The following ZNF385D variants were observed in gnomAD, a reference collection of about 807,000 sequenced individuals.
ZNF385D encodes zinc finger protein 385D.
ZNF385D carries 15 observed loss-of-function variants against 35.8 expected under a neutral mutation model. The observed-to-expected ratio is 0.42, with a 90% CI of 0.28 to 0.64. The LOEUF is 0.64. Among genes scored for constraint, ZNF385D ranks in the 30% least tolerant of loss-of-function variants. ZNF385D has a pLI of 0.23. For synonymous variants in ZNF385D, 212 were observed against 186.8 expected (o/e 1.13, Z -1.10); for missense variants, 474 against 494.6 (o/e 0.96, Z 0.39).
At chr3:22,062,170 T>TGGGACTACCC (rs1330630941) in intron 3 of ZNF385D, among the ~76,000 whole-genome samples, 2 of 152,174 alleles carry the variant, frequency 1.3e-5, no homozygotes, top group Non-Finnish European at 2.9e-5. Flanking sequence ...CCCAAATAGC[T>TGGGACTACCC]GGGACTACCC....
chr3:21,911,257 A>G (rs1023854266), intron 3 of ZNF385D, among the ~76,000 whole-genome samples: 2 of 151,996 alleles, frequency 1.3e-5, no homozygotes, highest in East Asian at 3.8e-4. Context: ...ATGAGAGTCC[A>G]TTAGTTCTCA....
chr3:22,138,982 ACAAC>A (rs2125699833), intron 3 of ZNF385D, among the ~76,000 whole-genome samples: 2 of 152,314 alleles, frequency 1.3e-5, no homozygotes, highest in African/African-American at 4.8e-5. Context: ...AAAAAAACAA[ACAAC>A]CCCATCAAAA....
At chr3:22,023,654 G>A (rs566695570) in intron 3 of ZNF385D, among the ~76,000 whole-genome samples, 13 of 149,838 alleles carry the variant, frequency 8.7e-5, no homozygotes, top group Non-Finnish European at 1.9e-4. Flanking sequence ...TAGCAGCAAA[G>A]CAATGCTTTT....
chr3:22,171,086 A>G (rs530697950), intron 2 of ZNF385D, among the ~76,000 whole-genome samples: 1 of 151,464 alleles, frequency 6.6e-6, no homozygotes, highest in Admixed American at 6.6e-5. Context: ...CTGTATTTAA[A>G]AAATTGCACA....
intron 3 of ZNF385D, among the ~76,000 whole-genome samples, chr3:22,119,975 C>G (rs572361158): frequency 6.8e-6 from 1 of 146,150 alleles, no homozygotes; most frequent in African/African-American, 2.6e-5. Context: ...CTCCAACATA[C>G]TCAATTTTTT....
chr3:22,146,962 A>C (rs1201323831), intron 3 of ZNF385D, among the ~76,000 whole-genome samples: 3 of 152,184 alleles, frequency 2.0e-5, no homozygotes, highest in African/African-American at 4.8e-5. Context: ...ATAAAACAGA[A>C]AATAACAGTA....
Position 21,437,201 on chromosome 3 carries a change from C to A in ZNF385D, c.442G>T (p.Gly148Cys), listed in dbSNP as rs760894765. The change falls in exon 5 of 8, where the codon GGT becomes TGT. Residue 148 changes from glycine to cysteine, a missense_variant and splice_region_variant. Gly to Cys is a radical substitution (Grantham distance 159). Coordinates refer to ENST00000281523, the MANE Select transcript of ZNF385D (RefSeq NM_024697.3). The stretch of plus-strand genomic sequence containing the variant: ...GATATTGCTGGTGTCCCTGCAGTAC[C>A]GTCTGTATTCAAAATAACACAGAAA... ...TINTSSDKTD[G>C]TAGTPAISTT... 6.2e-7 allele frequency: 1 copy of A among 1,609,670 alleles called. No individual in the cohort carries two copies. The highest frequency in any genetic ancestry group is 1.7e-5 in the Admixed American group (1 of 59,142).
At chr3:21,473,239 G>T (rs1343015780) in intron 4 of ZNF385D, among the ~76,000 whole-genome samples, 1 of 151,938 alleles carries the variant, frequency 6.6e-6, no homozygotes, top group Non-Finnish European at 1.5e-5. Flanking sequence ...GAAGGTCATG[G>T]TCTCCTTTTC....
rs532803322 is a variant in ZNF385D, at chr3:22,341,692, A to C, written c.106+30758T>G. 6.6e-5 allele frequency among the ~76,000 whole-genome samples: 10 copies of C among 152,286 alleles called. No homozygotes were observed. The East Asian group carries it at 1.9e-3, about 29-fold the overall frequency. ...CAGAGTTGATAGTCATATCTTTTGG[A>C]GGCTATAAAATGTAGGGATTAGGAG... On this transcript the variant is annotated intron_variant, in intron 2 of 5. Coordinates refer to the ZNF385D transcript ENST00000494108.
chr3:21,878,391 T>C (rs925511306), intron 3 of ZNF385D, among the ~76,000 whole-genome samples: 1 of 152,030 alleles, frequency 6.6e-6, no homozygotes, highest in African/African-American at 2.4e-5. Context: ...CTCCCTACTA[T>C]CAGTTTCATG....
chr3:21,930,793 T>C (rs923526084), intron 3 of ZNF385D, among the ~76,000 whole-genome samples: 1 of 152,068 alleles, frequency 6.6e-6, no homozygotes, highest in Non-Finnish European at 1.5e-5. Flanking sequence ...TAGATCCTTA[T>C]CTCACACCAT....
intron 1 of ZNF385D, among the ~76,000 whole-genome samples, chr3:21,720,653 T>C (rs1575528499): frequency 6.6e-6 from 1 of 152,344 alleles, no homozygotes; most frequent in Non-Finnish European, 1.5e-5. Context: ...ACAAGCTCTC[T>C]GAGTGATTCT....
intron 3 of ZNF385D, among the ~76,000 whole-genome samples, chr3:22,097,157 G>C (rs1175361549): frequency 2.0e-5 from 3 of 152,098 alleles, no homozygotes; most frequent in Non-Finnish European, 4.4e-5. Flanking sequence ...TTCTGCATGA[G>C]CTGCGCTTGC....
chr3:22,166,916 G>T (rs962094350), intron 3 of ZNF385D, among the ~76,000 whole-genome samples: 7 of 152,234 alleles, frequency 4.6e-5, no homozygotes, highest in Admixed American at 3.9e-4. Context: ...ACTTGGAATT[G>T]AATCGTGCTG....
intron 3 of ZNF385D, among the ~76,000 whole-genome samples, chr3:21,968,201 C>T (rs190211510): frequency 6.6e-4 from 100 of 152,240 alleles, no homozygotes; most frequent in African/African-American, 2.3e-3. Context: ...AATGCCACCA[C>T]GGAGGGAGCA....
intron 3 of ZNF385D, among the ~76,000 whole-genome samples, chr3:22,165,235 G>A (rs945635114): frequency 2.5e-4 from 38 of 152,168 alleles, no homozygotes; most frequent in East Asian, 5.8e-4. Flanking sequence ...TTGATAGTGC[G>A]GAAGGCTGTG....
At chr3:21,527,703 A>G (rs550266512) in intron 3 of ZNF385D, among the ~76,000 whole-genome samples, 1 of 151,802 alleles carries the variant, frequency 6.6e-6, no homozygotes, top group Non-Finnish European at 1.5e-5. Context: ...AATCACCAAA[A>G]CCTCATGGAG....
intron 2 of ZNF385D, among the ~76,000 whole-genome samples, chr3:21,655,497 A>G (rs919962273): frequency 1.8e-4 from 27 of 152,148 alleles, no homozygotes; most frequent in African/African-American, 5.5e-4. Context: ...TGCCATATAC[A>G]GCAAAAATAC....
intron 3 of ZNF385D, among the ~76,000 whole-genome samples, chr3:21,858,157 C>A (rs368256867): frequency 5.1e-3 from 611 of 119,228 alleles, no homozygotes; most frequent in Non-Finnish European, 5.5e-3. Flanking sequence ...AAGAGTCTAT[C>A]AAAAAAAAAA....
Sources: gnomAD v4.1 joint callset for allele counts (sites outside exome capture counted in the v4.1 genomes callset) on GRCh38, gnomAD v4.1.1 for gene constraint, MANE v1.5 for transcripts, NCBI Gene and HGNC (gene_info 2026-07-23, HGNC 2026-07-21) for gene names.